Variants in DPPA2 observed in about 807,000 individuals in gnomAD.
DPPA2 encodes developmental pluripotency associated 2.
In DPPA2, 26 loss-of-function variants were observed where a neutral mutation model predicts 36.2. The observed-to-expected ratio is 0.72, with a 90% confidence interval of 0.53 to 1.00. The LOEUF is 1.00. Ranked by LOEUF, DPPA2 falls within the 50% of genes least tolerant of loss-of-function variation. The probability of loss-of-function intolerance (pLI) is 0.00; values close to 1 mark genes in which losing one functional copy is unlikely to be tolerated. For missense variants in DPPA2, 361 were observed against 365.1 expected, an observed-to-expected ratio of 0.99 and a Z score of 0.09; for synonymous variants, 113 against 123.2, an observed-to-expected ratio of 0.92 and a Z score of 0.55.
chr3:109,312,767 A>C, intron 2 of DPPA2, 75 bp from the exon 3 acceptor site: 1 of 1,556,476 alleles, frequency 6.4e-7, no homozygotes, highest in South Asian at 1.2e-5. Context: ...GGCAAAAGTC[A>C]TGAATAAGGA....
Position 109,300,985 on chromosome 3 carries a change from CTTT to C in DPPA2, c.855-553_855-551del, listed in dbSNP as rs36123123. On this transcript the variant is annotated intron_variant, in intron 7 of 8. Coordinates refer to ENST00000478945, the MANE Select transcript of DPPA2 (RefSeq NM_138815.4). ...CCACATACTGCAATGGATCTCACAT[CTTT>C]TTTTTTTTTTTTTAAGACAGGTTCT... Among the ~76,000 whole-genome samples, 10 of 139,200 alleles carry C rather than the reference CTTT, an allele frequency of 7.2e-5. No individual in the cohort carries two copies. In the East Asian group the frequency reaches 1.0e-3, roughly 15 times the overall value. 91.3% of individuals were successfully genotyped at this position (139,200 alleles called of 152,430 possible).
chr3:109,299,365 C>G (rs1032753302), intron 8 of DPPA2, among the ~76,000 whole-genome samples: 1 of 151,988 alleles, frequency 6.6e-6, no homozygotes, highest in Non-Finnish European at 1.5e-5. Context: ...AAAAAATTAG[C>G]CGGGTGTGGT....
intron 5 of DPPA2, among the ~76,000 whole-genome samples, chr3:109,308,695 T>C (rs1707629703): frequency 1.3e-5 from 2 of 152,132 alleles, no homozygotes; most frequent in Admixed American, 6.6e-5. Context: ...CCTGAACATG[T>C]ATGTCAATGT....
chr3:109,302,435 A>G (rs554852144), intron 7 of DPPA2, among the ~76,000 whole-genome samples: 2 of 152,134 alleles, frequency 1.3e-5, no homozygotes, highest in South Asian at 4.1e-4. Flanking sequence ...CCCATCTAAG[A>G]TTTAGCCCAC....
intron 3 of DPPA2, among the ~76,000 whole-genome samples, chr3:109,310,287 A>ATG (rs1707678701): frequency 6.7e-6 from 1 of 148,544 alleles, no homozygotes; most frequent in Non-Finnish European, 1.5e-5. Context: ...CTGCAATCCC[A>ATG]GCTCCAGCTA....
intron 8 of DPPA2, among the ~76,000 whole-genome samples, chr3:109,294,300 A>G (rs1242484884): frequency 6.6e-6 from 1 of 152,184 alleles, no homozygotes; most frequent in Non-Finnish European, 1.5e-5. Flanking sequence ...ACATGTTTAT[A>G]CTAGAAGACC....
chr3:109,304,475 C>A lies in DPPA2; in HGVS notation c.854G>T (p.Arg285Met), dbSNP rs755073316. ...GCTTAACAAGATACATAAGGGTTAC[C>A]TCTTAGCACAGTCGGGGCATAACAT... ...DNMLCPDCAK[R>M]NKKMMKRLMT... Residue 285 changes from arginine to methionine, a missense_variant and splice_region_variant, in exon 7 of 9, where the codon AGG becomes ATG. Arg to Met is a moderately conservative substitution (Grantham distance 91, BLOSUM62 -1). Transcript: ENST00000478945. 1.9e-6 allele frequency: 3 copies of A among 1,608,614 alleles called. No homozygotes were observed. The African/African-American group carries it at 4.0e-5, about 22-fold the overall frequency.
Position 109,299,669 on chromosome 3 carries a change from A to T in DPPA2, c.*22+702T>A, listed in dbSNP as rs1271951657. On this transcript the variant is annotated intron_variant, in intron 8 of 8. Transcript: ENST00000478945. Reference sequence around the variant, plus strand: ...TCATTGTACTCCAGCCTGGGCGACAAGAATGAGACCCCGTCTCAAAAAAAA... The same window carrying T: ...TCATTGTACTCCAGCCTGGGCGACATGAATGAGACCCCGTCTCAAAAAAAA... 8.0e-5 allele frequency among the ~76,000 whole-genome samples: 12 copies of T among 150,938 alleles called. 1 individual carries two copies. The highest frequency in any genetic ancestry group is 1.5e-5 in the Non-Finnish European group (1 of 67,718).
intron 7 of DPPA2, among the ~76,000 whole-genome samples, chr3:109,301,737 A>AG (rs1407020845): frequency 2.6e-5 from 4 of 152,102 alleles, no homozygotes; most frequent in Non-Finnish European, 4.4e-5. Flanking sequence ...TCAGTGAGGG[A>AG]GGGAAAAAAG....
chr3:109,309,669 G>A (rs1025420331), intron 3 of DPPA2, among the ~76,000 whole-genome samples: 2 of 150,850 alleles, frequency 1.3e-5, no homozygotes, highest in Non-Finnish European at 3.0e-5. Flanking sequence ...CAGCCTGGGC[G>A]ACAGAACAAG....
At chr3:109,311,420 G>A (rs1467306709) in intron 3 of DPPA2, among the ~76,000 whole-genome samples, 1 of 151,952 alleles carries the variant, frequency 6.6e-6, no homozygotes, top group East Asian at 1.9e-4. Context: ...CCTCATTATT[G>A]GCCTAGAAGA....
chr3:109,301,106 C>T (rs1233165642), intron 7 of DPPA2, among the ~76,000 whole-genome samples: 1 of 151,534 alleles, frequency 6.6e-6, no homozygotes, highest in African/African-American at 2.4e-5. Flanking sequence ...ACCTCAGCCT[C>T]CCCAGTAGTT....
At chr3:109,302,316 C>T (rs1360409808) in intron 7 of DPPA2, among the ~76,000 whole-genome samples, 2 of 152,192 alleles carry the variant, frequency 1.3e-5, no homozygotes, top group African/African-American at 4.8e-5. Context: ...TCTAAGACAG[C>T]ATCTTGCTCT....
chr3:109,305,699 G>C lies in DPPA2; in HGVS notation c.659-1029C>G, dbSNP rs1009190278. On this transcript the variant is annotated intron_variant, in intron 6 of 8. Transcript: ENST00000478945. The stretch of plus-strand genomic sequence containing the variant: ...TGAGGCAGGAGAATCGCCTGAACCT[G>C]GGAGGCAGAGGTTGCAGTGAGCTGA... Among the ~76,000 whole-genome samples, 6 of 151,790 alleles carry C rather than the reference G, an allele frequency of 4.0e-5. No individual in the cohort carries two copies. The East Asian group carries it at 1.2e-3, about 30-fold the overall frequency.
intron 6 of DPPA2, among the ~76,000 whole-genome samples, chr3:109,306,194 C>T (rs1012975525): frequency 5.3e-5 from 8 of 152,190 alleles, no homozygotes; most frequent in Admixed American, 2.0e-4. Flanking sequence ...CTCTGGACCA[C>T]AGCAGATGCT....
intron 6 of DPPA2, 45 bp from the exon 7 acceptor site, chr3:109,304,715 C>T: frequency 6.5e-7 from 1 of 1,529,254 alleles, no homozygotes; most frequent in Non-Finnish European, 8.8e-7. Context: ...CAAGATAGCA[C>T]CCCAACACAA....
At position 109,304,677 on chromosome 3, in the gene DPPA2, A is replaced by C. The variant is rs1306650440; in HGVS notation, c.659-7T>G. On this transcript the variant is annotated splice_region_variant and splice_polypyrimidine_tract_variant and intron_variant, in intron 6 of 8. Transcript: ENST00000478945. ...ACCACACACCACCTGACGCCTGGAA[A>C]GGAAAAACAAATATAGACAGCAAAA... 6.3e-7 allele frequency: 1 copy of C among 1,578,040 alleles called. No homozygotes were observed. The highest frequency in any genetic ancestry group is 8.6e-7 in the Non-Finnish European group (1 of 1,164,376).
chr3:109,308,215 G>A lies in DPPA2; in HGVS notation c.475C>T (p.Leu159Phe). The change falls in exon 6 of 9, where the codon CTT becomes TTT. Residue 159 changes from leucine (L) to phenylalanine (F), a missense_variant. Leu to Phe is a conservative substitution (Grantham distance 22). Transcript: ENST00000478945. ...TCATTCATCTCATAACTTCTCTGAA[G>A]CCTTGCTCTCTTGGTCACTGCCTTG... ...KRKAVTKRAR[L>F]QRSYEMNERA... is the part of the protein sequence containing the mutation. 6.2e-7 allele frequency: 1 copy of A among 1,614,214 alleles called. No individual in the cohort carries two copies. Among genetic ancestry groups the A allele is most frequent in the South Asian group, 1.1e-5 (1 of 91,088 alleles).
At chr3:109,295,823 A>T (rs893650154) in intron 8 of DPPA2, among the ~76,000 whole-genome samples, 6 of 152,048 alleles carry the variant, frequency 3.9e-5, no homozygotes, top group African/African-American at 1.4e-4. Flanking sequence ...CAAGATACAA[A>T]ACAGATGAGT....
Sources: allele counts gnomAD v4.1 joint callset (sites outside exome capture counted in the v4.1 genomes callset), GRCh38; gene constraint gnomAD v4.1.1; transcripts MANE v1.5; gene names NCBI Gene and HGNC (gene_info 2026-07-23, HGNC 2026-07-21).